ADAMTSL1: variants seen among roughly 807,000 people sequenced by gnomAD.
The protein encoded by ADAMTSL1 is ADAMTS-like protein 1.
A neutral mutation model predicts 201.8 loss-of-function variants in ADAMTSL1; 126 were observed. That is an observed-to-expected ratio of 0.62 (90% CI 0.54 to 0.72). The LOEUF (loss-of-function observed/expected upper bound fraction) is 0.72. Ranked by LOEUF, ADAMTSL1 falls within the 30% of genes least tolerant of loss-of-function variation. The pLI, the probability that ADAMTSL1 is intolerant of heterozygous loss-of-function variation, is 0.00. For missense variants in ADAMTSL1, 2,679 were observed against 2,277.8 expected (o/e 1.18, Z -3.59); for synonymous variants, 1,121 against 903.4 (o/e 1.24, Z -4.32).
chr9:18,119,028 T>C (rs1389558651), intron 1 of ADAMTSL1, among the ~76,000 whole-genome samples: 1 of 152,186 alleles, frequency 6.6e-6, no homozygotes, highest in Non-Finnish European at 1.5e-5. Flanking sequence ...CTTCACATAC[T>C]GATCATGTGA....
At chr9:17,941,447 C>T (rs930412802) in intron 1 of ADAMTSL1, among the ~76,000 whole-genome samples, 1 of 152,088 alleles carries the variant, frequency 6.6e-6, no homozygotes, top group East Asian at 1.9e-4. Flanking sequence ...ATTGAGGAGA[C>T]CATATTCTAT....
intron 2 of ADAMTSL1, among the ~76,000 whole-genome samples, chr9:18,522,527 G>A (rs1416011117): frequency 1.3e-5 from 2 of 151,804 alleles, no homozygotes; most frequent in African/African-American, 2.4e-5. Flanking sequence ...TGCCATGTTG[G>A]TGTGCTGCAC....
At chr9:18,329,811 G>C (rs920640348) in intron 2 of ADAMTSL1, among the ~76,000 whole-genome samples, 18 of 152,094 alleles carry the variant, frequency 1.2e-4, no homozygotes, top group Non-Finnish European at 2.1e-4. Flanking sequence ...CAGCAACCTT[G>C]CTATTCTTTG....
chr9:18,695,378 G>A (rs1324703293), intron 13 of ADAMTSL1, among the ~76,000 whole-genome samples: 1 of 152,058 alleles, frequency 6.6e-6, no homozygotes, highest in Non-Finnish European at 1.5e-5. Flanking sequence ...CCAGAAAATG[G>A]GTTTTTCTTT....
intron 5 of ADAMTSL1, among the ~76,000 whole-genome samples, chr9:18,630,894 A>G (rs143732896): frequency 6.6e-6 from 1 of 151,582 alleles, no homozygotes; most frequent in Non-Finnish European, 1.5e-5. Flanking sequence ...TCTCCCTACA[A>G]CCTCCACAGC....
chr9:18,292,790 C>G (rs1424420742), intron 2 of ADAMTSL1, among the ~76,000 whole-genome samples: 1 of 152,164 alleles, frequency 6.6e-6, no homozygotes, highest in African/African-American at 2.4e-5. Context: ...GTTGGCTTCC[C>G]TGCTTTTGAG....
intron 2 of ADAMTSL1, among the ~76,000 whole-genome samples, chr9:18,437,945 C>T (rs1380267330): frequency 6.6e-6 from 1 of 152,092 alleles, no homozygotes; most frequent in Admixed American, 6.5e-5. Flanking sequence ...GGCGCCATTC[C>T]CCGGGCACTT....
rs185444720 is a variant in ADAMTSL1 at position 18,729,012 on chromosome 9, A to G, written c.2006+7347A>G. On this transcript the variant is annotated intron_variant, in intron 15 of 28. Coordinates refer to ENST00000380548, the MANE Select transcript of ADAMTSL1 (RefSeq NM_001040272.6). ...GGCACGTTTCCTTTTTCTCATGTAG[A>G]GTCAAAAATAAATAGTGTGCTCTGT... Among the ~76,000 whole-genome samples, 20 of 152,322 alleles carry G rather than the reference A, an allele frequency of 1.3e-4. No homozygotes were observed. In the East Asian group the frequency reaches 3.9e-3, roughly 29 times the overall value.
chr9:18,650,197 T>G (rs1044296030), intron 7 of ADAMTSL1, among the ~76,000 whole-genome samples: 2 of 152,204 alleles, frequency 1.3e-5, no homozygotes, highest in Non-Finnish European at 2.9e-5. Context: ...CTCTGAGCCA[T>G]GTGCGGGATA....
chr9:18,888,093 C>G (rs183400163), intron 24 of ADAMTSL1, 50 bp downstream of exon 24: 1 of 1,555,588 alleles, frequency 6.4e-7, no homozygotes, highest in South Asian at 1.1e-5. Context: ...AGAAAGCCCA[C>G]TTGGGAATCT....
intron 2 of ADAMTSL1, among the ~76,000 whole-genome samples, chr9:18,400,048 T>G (rs61369585): frequency 0.026 from 3,567 of 137,204 alleles, 149 homozygotes; most frequent in African/African-American, 0.089. Flanking sequence ...TCCAATAAAA[T>G]GTGATTTTTA....
intron 2 of ADAMTSL1, among the ~76,000 whole-genome samples, chr9:18,367,820 T>C (rs372449552): frequency 1.3e-5 from 2 of 152,022 alleles, no homozygotes; most frequent in African/African-American, 4.8e-5. Flanking sequence ...AACGGATGGG[T>C]GGATGGATGG....
At chr9:18,530,197 A>G (rs1819355260) in intron 2 of ADAMTSL1, among the ~76,000 whole-genome samples, 1 of 152,146 alleles carries the variant, frequency 6.6e-6, no homozygotes, top group South Asian at 2.1e-4. Flanking sequence ...GGCTTTCCTA[A>G]ATTCATTTGG....
chr9:18,062,966 G>A (rs1182507682), intron 1 of ADAMTSL1, among the ~76,000 whole-genome samples: 1 of 152,104 alleles, frequency 6.6e-6, no homozygotes, highest in Admixed American at 6.5e-5. Flanking sequence ...ATTATGCCAA[G>A]AAAAATTAAC....
chr9:18,150,418 A>T (rs1826856882), intron 1 of ADAMTSL1, among the ~76,000 whole-genome samples: 1 of 152,092 alleles, frequency 6.6e-6, no homozygotes, highest in Non-Finnish European at 1.5e-5. Context: ...TGCCTATTAC[A>T]TTTGGTATCT....
intron 1 of ADAMTSL1, among the ~76,000 whole-genome samples, chr9:18,035,872 A>G (rs1821173189): frequency 6.6e-6 from 1 of 152,202 alleles, no homozygotes; most frequent in South Asian, 2.1e-4. Flanking sequence ...AACTTACTCA[A>G]AAAATAATTT....
At chr9:18,735,118 C>G (rs751264905) in intron 15 of ADAMTSL1, among the ~76,000 whole-genome samples, 2 of 152,186 alleles carry the variant, frequency 1.3e-5, no homozygotes, top group Non-Finnish European at 2.9e-5. Flanking sequence ...ACCATGCTGC[C>G]TCAGACACCT....
chr9:18,374,599 G>T (rs527440510), intron 2 of ADAMTSL1, among the ~76,000 whole-genome samples: 2 of 152,114 alleles, frequency 1.3e-5, no homozygotes, highest in Non-Finnish European at 2.9e-5. Flanking sequence ...CTCCCAAAAT[G>T]CTAGGATTAC....
At chr9:18,773,142 C>T (rs1438046415) in intron 17 of ADAMTSL1, among the ~76,000 whole-genome samples, 1 of 152,152 alleles carries the variant, frequency 6.6e-6, no homozygotes, top group Non-Finnish European at 1.5e-5. Flanking sequence ...AAGGGAAGAC[C>T]TAAATGATCT....
Sources: gnomAD v4.1 joint callset for allele counts (sites outside exome capture counted in the v4.1 genomes callset) on GRCh38, gnomAD v4.1.1 for gene constraint, MANE v1.5 for transcripts, NCBI Gene and HGNC (gene_info 2026-07-23, HGNC 2026-07-21) for gene names.